HACE1: variants seen among roughly 807,000 people sequenced by gnomAD.
HACE1 encodes the protein E3 ubiquitin-protein ligase HACE1.
In HACE1, 73 loss-of-function variants were observed where a neutral mutation model predicts 118.4. The observed-to-expected ratio is 0.62, with a 90% CI of 0.51 to 0.75. HACE1 has a LOEUF of 0.75. Among genes scored for constraint, HACE1 ranks in the 30% least tolerant of loss-of-function variants. The pLI is 0.00. For missense variants in HACE1, 749 were observed against 1,102.2 expected (o/e 0.68, Z 4.54); for synonymous variants, 368 against 374.8 (o/e 0.98, Z 0.21).
chr6:104,805,685 C>T (rs1277511300), intron 7 of HACE1, among the ~76,000 whole-genome samples: 3 of 152,128 alleles, frequency 2.0e-5, no homozygotes, highest in Non-Finnish European at 2.9e-5. Context: ...CAGCGAACAT[C>T]ACACACCAGG....
At chr6:104,776,359 C>T (rs1414650392) in intron 17 of HACE1, among the ~76,000 whole-genome samples, 1 of 152,138 alleles carries the variant, frequency 6.6e-6, no homozygotes, top group Admixed American at 6.5e-5. Flanking sequence ...CATCTACAAG[C>T]ACCATTAATT....
At position 104,852,210 on chromosome 6, in the gene HACE1, T is replaced by TGC. The variant is rs71003449; in HGVS notation, c.131+106_131+107insGC. The TGC allele has an allele frequency of 1.2e-3, 817 of 671,702 alleles. 10 individuals carry two copies. In the East Asian group the frequency reaches 0.022, roughly 18 times the overall value. The allele number at this position is 671,702 out of a possible 1,614,324, so 41.6% of individuals were successfully genotyped here. On this transcript the variant is annotated intron_variant, in intron 2 of 23. Transcript: ENST00000262903. ...TATGTCCAAACTGTCTGTGTGTGTG[T>TGC]GTGTGTGTGTGTGTGTGTGCGCGCG... is the stretch of plus-strand genomic sequence containing the variant.
At chr6:104,806,414 A>G (rs1463940389) in intron 7 of HACE1, among the ~76,000 whole-genome samples, 2 of 152,186 alleles carry the variant, frequency 1.3e-5, no homozygotes, top group Non-Finnish European at 2.9e-5. Context: ...GTGAGTTATG[A>G]TCACGCCACT....
At chr6:104,774,388 CCTCT>C (rs369767987) in intron 17 of HACE1, among the ~76,000 whole-genome samples, 26,168 of 92,204 alleles carry the variant, frequency 0.28, 4,183 homozygotes, top group African/African-American at 0.34. Context: ...CCGCGCCCGG[CCTCT>C]CTTTTTTTTT....
At chr6:104,773,863 T>C (rs1328548992) in intron 17 of HACE1, among the ~76,000 whole-genome samples, 2 of 151,802 alleles carry the variant, frequency 1.3e-5, no homozygotes, top group Admixed American at 6.6e-5. Context: ...TAAAAGTTTA[T>C]GATAAATTTT....
At chr6:104,802,696 C>A (rs1286312676) in intron 7 of HACE1, among the ~76,000 whole-genome samples, 1 of 152,176 alleles carries the variant, frequency 6.6e-6, no homozygotes, top group Non-Finnish European at 1.5e-5. Flanking sequence ...ACCAGAATCT[C>A]TGGGACACAT....
Position 104,851,134 on chromosome 6 carries a change from A to G in HACE1, c.132-138T>C, listed in dbSNP as rs1263630415. 4.6e-6 allele frequency: 3 copies of G among 650,108 alleles called. No homozygotes were observed. The Admixed American group carries it at 6.3e-5, about 14-fold the overall frequency. 40.3% of individuals were successfully genotyped at this position (650,108 alleles called of 1,614,324 possible). On this transcript the variant is annotated intron_variant, in intron 2 of 23. Transcript: ENST00000262903. ...GAGTCTTGCTCTGTCACCAGGCTGG[A>G]GTACAGTGGCGAGATCTTGGCTCAC...
In HACE1 at chr6:104,843,192, T is replaced by C. The variant is rs1424589138; in HGVS notation, c.402+31A>G. The C allele has an allele frequency of 6.5e-6, 7 of 1,084,196 alleles. No homozygotes were observed. In the East Asian group the frequency reaches 1.6e-4, roughly 26 times the overall value. 67.2% of individuals were successfully genotyped at this position (1,084,196 alleles called of 1,614,324 possible). On this transcript the variant is annotated intron_variant, in intron 5 of 23. Transcript: ENST00000262903. ...AATATCATTTTCTAAAACATACTTT[T>C]AAAACATCAGATGAAATTGATAGCA...
At chr6:104,755,132 G>A (rs1408928366) in intron 19 of HACE1, among the ~76,000 whole-genome samples, 3 of 151,992 alleles carry the variant, frequency 2.0e-5, no homozygotes, top group Admixed American at 6.5e-5. Context: ...AGCAGGAGTT[G>A]CAACCCTAGA....
chr6:104,859,449 A>G, intron 1 of HACE1, 118 bp downstream of exon 1: 1 of 792,734 alleles, frequency 1.3e-6, no homozygotes, highest in Non-Finnish European at 1.9e-6. Context: ...GGAAAGTAAA[A>G]GTGGGCGTTT....
Position 104,859,615 on chromosome 6 carries a change from G to C in HACE1, c.28C>G (p.Arg10Gly), listed in dbSNP as rs1777112318. 1 of 1,531,856 alleles carries C rather than the reference G, an allele frequency of 6.5e-7. No individual in the cohort carries two copies. The allele number at this position is 1,531,856 out of a possible 1,614,324, so 94.9% of individuals were successfully genotyped here. A position where few individuals can be genotyped will look rare whatever the true frequency, so the allele number is the denominator to read the frequency against. Reference sequence around the variant, plus strand: ...GCGCGGCGCAGCGAGCGCGTCAGGCGGTTGAGTTGCTCCATCGCTCTCTCC... The same window carrying C: ...GCGCGGCGCAGCGAGCGCGTCAGGCCGTTGAGTTGCTCCATCGCTCTCTCC... MERAMEQLN[R>G]LTRSLRRART... is the part of the protein sequence containing the mutation. The change falls in exon 1 of 24, where the codon CGC becomes GGC. Residue 10 changes from arginine to glycine, a missense_variant. Physicochemically the swap from Arg to Gly is moderately radical, Grantham distance 125. Transcript: ENST00000262903.
At chr6:104,747,792 C>G (rs75443186) in intron 20 of HACE1, among the ~76,000 whole-genome samples, 3 of 152,126 alleles carry the variant, frequency 2.0e-5, no homozygotes, top group African/African-American at 7.2e-5. Flanking sequence ...AAATACCTGG[C>G]AAATACTAAA....
At chr6:104,858,631 C>A in intron 1 of HACE1, 1 of 204,520 alleles carries the variant, frequency 4.9e-6, no homozygotes, top group South Asian at 5.7e-5. Flanking sequence ...TACAAACCAC[C>A]CAGCAGCAAT....
chr6:104,740,080 T>G (rs377053907), intron 22 of HACE1, among the ~76,000 whole-genome samples: 1 of 151,354 alleles, frequency 6.6e-6, no homozygotes, highest in African/African-American at 2.4e-5. Flanking sequence ...GGGTACATAA[T>G]GAAATGAAGG....
intron 22 of HACE1, among the ~76,000 whole-genome samples, chr6:104,742,542 C>G (rs571579869): frequency 1.3e-5 from 2 of 152,100 alleles, no homozygotes; most frequent in East Asian, 3.9e-4. Flanking sequence ...ATTTATGCAG[C>G]CAAAAAACAC....
intron 4 of HACE1, among the ~76,000 whole-genome samples, chr6:104,846,994 A>AT (rs1775731778): frequency 6.6e-6 from 1 of 152,200 alleles, no homozygotes; most frequent in South Asian, 2.1e-4. Context: ...GAATCATGTA[A>AT]TATCTGCCAT....
intron 11 of HACE1, chr6:104,787,347 T>C (rs1782540360): frequency 6.6e-6 from 1 of 152,184 alleles, no homozygotes; most frequent in Non-Finnish European, 1.5e-5. Context: ...GTCCCTGAAC[T>C]GCTTAAAGAA....
intron 20 of HACE1, among the ~76,000 whole-genome samples, chr6:104,746,564 G>A (rs1554221614): frequency 2.6e-5 from 4 of 152,158 alleles, no homozygotes; most frequent in Non-Finnish European, 5.9e-5. Flanking sequence ...CCATCAGGTG[G>A]CCCCTCCTTG....
At chr6:104,737,380 C>A (rs1042095097) in intron 22 of HACE1, among the ~76,000 whole-genome samples, 5 of 151,444 alleles carry the variant, frequency 3.3e-5, no homozygotes, top group South Asian at 4.2e-4. Context: ...GTGAGCCACG[C>A]AAAAGATGGT....
Sources: gnomAD v4.1 joint callset for allele counts (sites outside exome capture counted in the v4.1 genomes callset) on GRCh38, gnomAD v4.1.1 for gene constraint, MANE v1.5 for transcripts, NCBI Gene and HGNC (gene_info 2026-07-23, HGNC 2026-07-21) for gene names.